Variants in LRRC71 observed in about 807,000 individuals in gnomAD.
The protein encoded by LRRC71 is leucine rich repeat containing 71, also known as leucine-rich repeat-containing protein 71.
Under a neutral mutation model 66.6 loss-of-function variants are expected in LRRC71, and 54 were observed. That is an observed-to-expected ratio of 0.81 (90% CI 0.65 to 1.02). The LOEUF (loss-of-function observed/expected upper bound fraction) is 1.02, where lower values mean the gene tolerates loss of function less well. LRRC71 is among the 50% of genes least tolerant of loss of function. The probability of loss-of-function intolerance (pLI) is 0.00; values close to 1 mark genes in which losing one functional copy is unlikely to be tolerated. For missense variants in LRRC71, 724 were observed against 718.0 expected, an observed-to-expected ratio of 1.01 and a Z score of -0.10; for synonymous variants, 323 against 303.9, an observed-to-expected ratio of 1.06 and a Z score of -0.65.
the LRRC71 span, among the ~76,000 whole-genome samples, chr1:156,940,695 C>T: frequency 1.3e-5 from 2 of 152,236 alleles, no homozygotes; most frequent in African/African-American, 4.8e-5. Context: ...TGTTAGAAGG[C>T]AGTAACTTCC....
At chr1:156,926,740 A>G (rs1286866546) in intron 5 of LRRC71, among the ~76,000 whole-genome samples, 1 of 152,026 alleles carries the variant, frequency 6.6e-6, no homozygotes, top group Non-Finnish European at 1.5e-5. Context: ...ATGTCCCGCT[A>G]ATTTTTTGTA....
intron 11 of LRRC71, among the ~76,000 whole-genome samples, chr1:156,930,028 T>TCTTTC (rs1654041076): frequency 2.3e-5 from 3 of 129,574 alleles, no homozygotes; most frequent in Admixed American, 1.5e-4. Context: ...TTCTTTTCTT[T>TCTTTC]TCTTTTTCTT....
chr1:156,932,360 T>C, intron 13 of LRRC71, 64 bp from the exon 14 acceptor site: 1 of 1,323,864 alleles, frequency 7.6e-7, no homozygotes, highest in Non-Finnish European at 1.1e-6. Context: ...TGGGGATGTC[T>C]GGTGTGTCAG....
Position 156,924,463 on chromosome 1 carries a change from T to C in LRRC71, c.350T>C (p.Leu117Pro), listed in dbSNP as rs992367557. Reference sequence around the variant, plus strand: ...TCGGGGTCCTGCAGCCTCAATAGCCTGGAGAGCAAATACGTGTTCTTCCGG... The same window carrying C: ...TCGGGGTCCTGCAGCCTCAATAGCCCGGAGAGCAAATACGTGTTCTTCCGG... ...RLSGSCSLNSLESKYVFFRPT... is the reference protein window; with the variant it reads ...RLSGSCSLNSPESKYVFFRPT... Residue 117 changes from leucine (L) to proline (P), a missense_variant, in exon 3 of 15, where the codon CTG becomes CCG. Leu to Pro is a moderately conservative substitution (Grantham distance 98). Transcript: ENST00000337428. 29 of 1,551,134 alleles carry C rather than the reference T, an allele frequency of 1.9e-5. No individual in the cohort carries two copies. The highest frequency in any genetic ancestry group is 2.5e-5 in the Non-Finnish European group (29 of 1,146,984).
downstream of LRRC71, among the ~76,000 whole-genome samples, chr1:156,933,708 T>C (rs1292205300): frequency 4.6e-5 from 7 of 152,208 alleles, no homozygotes; most frequent in African/African-American, 7.2e-5. Flanking sequence ...GCTGCCTCCA[T>C]TGAGGTCACC....
chr1:156,935,165 T>C (rs1654841845), downstream of LRRC71: 1 of 152,508 alleles, frequency 6.6e-6, no homozygotes, highest in South Asian at 2.1e-4. Flanking sequence ...CCTGCTTCAC[T>C]GGTTTTCTAC....
downstream of LRRC71, among the ~76,000 whole-genome samples, chr1:156,936,497 A>ACATATAT: frequency 2.9e-5 from 1 of 33,938 alleles, no homozygotes; most frequent in South Asian, 1.6e-3. Context: ...AAAAAAAAAA[A>ACATATAT]ATATATATAT....
chr1:156,926,822 C>T (rs1010873440), intron 5 of LRRC71, among the ~76,000 whole-genome samples: 3 of 152,120 alleles, frequency 2.0e-5, no homozygotes, highest in Non-Finnish European at 1.5e-5. Flanking sequence ...GCAATCTGCC[C>T]GCCTTGGCCT....
chr1:156,920,871 C>G lies in LRRC71; in HGVS notation c.68C>G (p.Ser23Cys), dbSNP rs906200808. The change falls in exon 1 of 15, where the codon TCT becomes TGT. Residue 23 changes from serine (S) to cysteine (C), a missense_variant. Physicochemically the swap from Ser to Cys is moderately radical, Grantham distance 112 (BLOSUM62 -1). Coordinates refer to ENST00000337428, the MANE Select transcript of LRRC71 (RefSeq NM_144702.3). This position sits in a 1 kb window ranked among gnomAD's most constrained non-coding sequence, Gnocchi z 4.9. Reference sequence around the variant, plus strand: ...CCGCGTCCGGGGACCCAGAAGTCTTCTGGCGCGGTGACCAAAAAGGGAGAG... The same window carrying G: ...CCGCGTCCGGGGACCCAGAAGTCTTGTGGCGCGGTGACCAAAAAGGGAGAG... ...RAPRPGTQKS[S>C]GAVTKKGERA... 6.5e-7 allele frequency: 1 copy of G among 1,542,918 alleles called. No individual in the cohort carries two copies. Among genetic ancestry groups the G allele is most frequent in the East Asian group, 2.5e-5 (1 of 40,470 alleles).
downstream of LRRC71, chr1:156,936,082 G>T (rs756997715): frequency 2.5e-6 from 4 of 1,613,378 alleles, no homozygotes; most frequent in Non-Finnish European, 3.4e-6. Context: ...ATGAAGGTGA[G>T]GAACTGGCCA....
At chr1:156,938,611 CAG>C in the LRRC71 span, 1 of 1,138,260 alleles carries the variant, frequency 8.8e-7, no homozygotes, top group South Asian at 1.4e-5. Context: ...GAGGTGGGGA[CAG>C]GGGGAGGAGA....
chr1:156,923,953 GTA>G lies in LRRC71; in HGVS notation c.166_167del (p.Tyr56ProfsTer60). 1 of 1,512,326 alleles carries G rather than the reference GTA, an allele frequency of 6.6e-7. No homozygotes were observed. Among genetic ancestry groups the G allele is most frequent in the Non-Finnish European group, 8.9e-7 (1 of 1,126,630 alleles). The allele number at this position is 1,512,326 out of a possible 1,614,324, so 93.7% of individuals were successfully genotyped here. ...GEEEPKSPEE[Y>X]QCSGVLETDF... ...CGCCCCTGCCTGCCCCCGCAGAGGA[GTA>G]CCAGTGCTCCGGGGTCCTCGAGACC... On this transcript the variant is annotated frameshift_variant, in exon 2 of 15. Transcript: ENST00000337428. LOFTEE classifies it high-confidence loss of function.
downstream of LRRC71, chr1:156,936,192 C>A: frequency 1.0e-6 from 1 of 962,364 alleles, no homozygotes. Flanking sequence ...CCCAGTTTCT[C>A]GTAGGGCTTG....
chr1:156,922,377 G>A (rs1475438685), intron 1 of LRRC71, among the ~76,000 whole-genome samples: 1 of 152,156 alleles, frequency 6.6e-6, no homozygotes, highest in African/African-American at 2.4e-5. Flanking sequence ...AGGACAACAT[G>A]GAGGTCATGG....
chr1:156,924,740 G>C (rs1435130584), intron 4 of LRRC71, 22 bp downstream of exon 4: 1 of 1,551,140 alleles, frequency 6.4e-7, no homozygotes, highest in East Asian at 2.4e-5. Context: ...TGAGGGGATG[G>C]GCGGGGGACC....
chr1:156,939,630 C>A, the LRRC71 span: 1 of 1,613,722 alleles, frequency 6.2e-7, no homozygotes, highest in Non-Finnish European at 8.5e-7. Flanking sequence ...CTGGAGACTC[C>A]CATATCCCAG....
Position 156,929,730 on chromosome 1 carries a change from G to T in LRRC71, c.1240+1G>T, listed in dbSNP as rs1381604721. 1 of 1,558,502 alleles carries T rather than the reference G, an allele frequency of 6.4e-7. No homozygotes were observed. The highest frequency in any genetic ancestry group is 8.7e-7 in the Non-Finnish European group (1 of 1,151,316). The stretch of plus-strand genomic sequence containing the variant: ...GATGCCACAAAGGCAGGCAAGGGGA[G>T]TAAGTGCGGGTGCCCCTGGGTGGCA... On this transcript the variant is annotated splice_donor_variant, in intron 11 of 14. Transcript: ENST00000337428. LOFTEE classifies it high-confidence loss of function.
rs146305673 is a variant in LRRC71, at chr1:156,925,750, G to T, written c.593+735G>T. On this transcript the variant is annotated intron_variant, in intron 5 of 14. Transcript: ENST00000337428. ...TCTTCTTGCTTCATGGTGGCGGGGG[G>T]GTACCCCTCCATGCAGTGGCTTGCC... Among the ~76,000 whole-genome samples, 386 of 152,322 alleles carry T rather than the reference G, an allele frequency of 2.5e-3. 1 individual carries two copies. The highest frequency in any genetic ancestry group is 6.8e-3 in the Middle Eastern group (2 of 294).
At chr1:156,940,521 C>A in the LRRC71 span, 1 of 1,101,668 alleles carries the variant, frequency 9.1e-7, no homozygotes, top group Admixed American at 2.6e-5. Context: ...GCTGGGAACA[C>A]TGACTTATTC....
Sources: gnomAD v4.1 joint callset for allele counts (sites outside exome capture counted in the v4.1 genomes callset) on GRCh38, gnomAD v4.1.1 for gene constraint, Gnocchi (gnomAD v3.1) non-coding constraint, MANE v1.5 for transcripts, NCBI Gene and HGNC (gene_info 2026-07-23, HGNC 2026-07-21) for gene names.